ANK2: variants seen among roughly 807,000 people sequenced by gnomAD.
ANK2 encodes ankyrin-2.
ANK2 carries 83 observed loss-of-function variants against 360.5 expected under a neutral mutation model. The ratio of observed to expected loss-of-function variants is 0.23; its 90% CI spans 0.19 to 0.28. The LOEUF is 0.28. Among genes scored for constraint, ANK2 ranks in the 10% least tolerant of loss-of-function variants. The pLI is 1.00. For missense variants in ANK2, 4,201 were observed against 4,795.7 expected (o/e 0.88, Z 3.66); for synonymous variants, 1,740 against 1,759.5 (o/e 0.99, Z 0.28).
chr4:112,920,201 C>G (rs1004187592), intron 2 of ANK2, among the ~76,000 whole-genome samples: 2 of 152,164 alleles, frequency 1.3e-5, no homozygotes, highest in African/African-American at 4.8e-5. Flanking sequence ...GTAATATACA[C>G]TAACCCTTTA....
At chr4:113,310,511 G>A (rs945558661) in intron 23 of ANK2, among the ~76,000 whole-genome samples, 1 of 152,082 alleles carries the variant, frequency 6.6e-6, no homozygotes, top group Non-Finnish European at 1.5e-5. Context: ...TCATCTCCTG[G>A]GTTCAAGCAA....
chr4:113,138,447 T>C (rs1348949425), intron 1 of ANK2, among the ~76,000 whole-genome samples: 1 of 152,228 alleles, frequency 6.6e-6, no homozygotes, highest in African/African-American at 2.4e-5. Context: ...ATCCTCATAA[T>C]AAATCAGGTT....
At chr4:113,270,667 A>G (rs956296915) in intron 14 of ANK2, among the ~76,000 whole-genome samples, 1 of 152,168 alleles carries the variant, frequency 6.6e-6, no homozygotes, top group Non-Finnish European at 1.5e-5. Flanking sequence ...AAACAAAAAT[A>G]CTGTAGCCTT....
intron 1 of ANK2, among the ~76,000 whole-genome samples, chr4:113,166,606 G>T (rs576147477): frequency 3.3e-5 from 5 of 151,098 alleles, no homozygotes; most frequent in East Asian, 1.9e-4. Flanking sequence ...TTGTTTTTTT[G>T]GTTTTTTTCT....
intron 23 of ANK2, among the ~76,000 whole-genome samples, chr4:113,304,008 C>T (rs2076142332): frequency 6.6e-6 from 1 of 152,134 alleles, no homozygotes; most frequent in Admixed American, 6.5e-5. Context: ...GTTTTCTCAG[C>T]TTTTATAAAA....
intron 1 of ANK2, among the ~76,000 whole-genome samples, chr4:112,868,318 TAAGAGC>T (rs1560864363): frequency 1.3e-5 from 2 of 152,250 alleles, no homozygotes; most frequent in African/African-American, 4.8e-5. Context: ...CTAGGAAGTC[TAAGAGC>T]ATAGTGTCAG....
intron 2 of ANK2, among the ~76,000 whole-genome samples, chr4:112,937,441 C>G (rs2093842605): frequency 6.6e-6 from 1 of 151,664 alleles, no homozygotes; most frequent in Admixed American, 6.6e-5. Context: ...GATTCTCATG[C>G]TTCAGCCTCC....
At chr4:112,908,360 G>GCA (rs1373827248) in intron 2 of ANK2, among the ~76,000 whole-genome samples, 4 of 152,170 alleles carry the variant, frequency 2.6e-5, no homozygotes, top group African/African-American at 7.2e-5. Flanking sequence ...AGCAAATGTG[G>GCA]CAGAGCCAAA....
At chr4:112,936,794 T>G (rs1011976461) in intron 2 of ANK2, among the ~76,000 whole-genome samples, 7 of 152,032 alleles carry the variant, frequency 4.6e-5, no homozygotes, top group Admixed American at 1.3e-4. Flanking sequence ...TTTTTTTTGT[T>G]TGTTTGTTTT....
chr4:112,771,414 G>A, the ANK2 span, among the ~76,000 whole-genome samples: 6 of 152,034 alleles, frequency 3.9e-5, no homozygotes, highest in Admixed American at 1.3e-4. Flanking sequence ...CACCACACCC[G>A]GCCACATTTA....
chr4:113,354,064 G>A lies in ANK2; in HGVS notation c.5446G>A (p.Glu1816Lys), dbSNP rs1265412167. 5 of 1,613,928 alleles carry A rather than the reference G, an allele frequency of 3.1e-6. No homozygotes were observed. The highest frequency in any genetic ancestry group is 2.7e-5 in the African/African-American group (2 of 74,916). ...AGCTGCGTCACCCTCTCTGAAGTCAGAGAGACATGCGCCAGGGTCTCCCTC... is the reference window on the plus strand; with the variant it reads ...AGCTGCGTCACCCTCTCTGAAGTCAAAGAGACATGCGCCAGGGTCTCCCTC... ...HPAASPSLKS[E>K]RHAPGSPSPK... The change falls in exon 38 of 46, where the codon GAG becomes AAG. Residue 1816 changes from glutamate to lysine, a missense_variant. By Grantham distance (56) the Glu-to-Lys change is moderately conservative. Around this residue, in one of 4 missense-constraint regions of ANK2, gnomAD observed 2,642 missense variants for 2,714.5 expected, o/e 0.97. Transcript: ENST00000357077.
At chr4:113,223,322 G>A (rs796351459) in intron 4 of ANK2, among the ~76,000 whole-genome samples, 10 of 152,276 alleles carry the variant, frequency 6.6e-5, no homozygotes, top group African/African-American at 1.9e-4. Context: ...AAATCTTGAC[G>A]TTGACCTGCC....
chr4:113,030,574 A>G (rs193068130), intron 2 of ANK2, among the ~76,000 whole-genome samples: 254 of 152,184 alleles, frequency 1.7e-3, no homozygotes, highest in Non-Finnish European at 3.1e-3. Context: ...TAAATGCAGG[A>G]TTGGACTCAG....
intron 1 of ANK2, among the ~76,000 whole-genome samples, chr4:112,900,631 C>G (rs1188029767): frequency 2.0e-5 from 3 of 152,198 alleles, no homozygotes; most frequent in Non-Finnish European, 4.4e-5. Flanking sequence ...TGTATATTTG[C>G]TTAAGCCAAT....
At chr4:113,242,606 CT>C (rs1331704208) in intron 9 of ANK2, among the ~76,000 whole-genome samples, 2 of 152,166 alleles carry the variant, frequency 1.3e-5, no homozygotes, top group Admixed American at 6.5e-5. Context: ...TGTTTACAAT[CT>C]TTTGCTTCTA....
At chr4:113,226,710 C>G (rs2099227428) in intron 4 of ANK2, among the ~76,000 whole-genome samples, 1 of 151,922 alleles carries the variant, frequency 6.6e-6, no homozygotes, top group African/African-American at 2.4e-5. Flanking sequence ...GAAAAGTCAC[C>G]AAACATATTT....
chr4:113,311,282 G>A lies in ANK2; in HGVS notation c.2576G>A (p.Gly859Glu), dbSNP rs2079825759. ...EGDDTMTGDG[G>E]EYLRPEDLKE... The stretch of plus-strand genomic sequence containing the variant: ...GATGACACAATGACTGGTGATGGGG[G>A]AGAATACCTTAGGCCTGAGGACCTA... Residue 859 changes from glycine to glutamate, a missense_variant, in exon 24 of 46, where the codon GGA becomes GAA. Physicochemically the swap from Gly to Glu is moderately conservative, Grantham distance 98. This residue lies in a region of ANK2 where 1,268 missense variants were observed against 1,650.8 expected (regional missense o/e 0.77). Transcript: ENST00000357077. 2 of 1,614,012 alleles carry A rather than the reference G, an allele frequency of 1.2e-6. No homozygotes were observed. Among genetic ancestry groups the A allele is most frequent in the East Asian group, 2.2e-5 (1 of 44,880 alleles).
At chr4:112,727,311 A>T in the ANK2 span, among the ~76,000 whole-genome samples, 1 of 152,112 alleles carries the variant, frequency 6.6e-6, no homozygotes, top group African/African-American at 2.4e-5. Context: ...ATCACAGATT[A>T]TGGTTGCTGT....
chr4:112,983,466 T>A (rs564556944), intron 2 of ANK2, among the ~76,000 whole-genome samples: 11 of 151,522 alleles, frequency 7.3e-5, no homozygotes, highest in Admixed American at 2.6e-4. Flanking sequence ...CACCTGAGGT[T>A]GGGAGATCGA....
Sources: allele counts gnomAD v4.1 joint callset (sites outside exome capture counted in the v4.1 genomes callset), GRCh38; gene constraint gnomAD v4.1.1; regional missense constraint gnomAD v4.1.1; transcripts MANE v1.5; gene names NCBI Gene and HGNC (gene_info 2026-07-23, HGNC 2026-07-21).